Variants in SEPTIN9 observed in about 807,000 individuals in gnomAD.
SEPTIN9 encodes the protein septin-9.
Under a neutral mutation model 56.6 loss-of-function variants are expected in SEPTIN9, and 13 were observed. The observed-to-expected ratio is 0.23, with a 90% CI of 0.15 to 0.37. The LOEUF (loss-of-function observed/expected upper bound fraction) is 0.37, where lower values mean the gene tolerates loss of function less well. Among genes scored for constraint, SEPTIN9 ranks in the 10% least tolerant of loss-of-function variants. The pLI is 1.00. For missense variants in SEPTIN9, 650 were observed against 823.1 expected (o/e 0.79, Z 2.57); for synonymous variants, 332 against 334.1 (o/e 0.99, Z 0.07).
chr17:77,398,665 C>T (rs771364576), intron 2 of SEPTIN9, among the ~76,000 whole-genome samples: 10 of 152,174 alleles, frequency 6.6e-5, no homozygotes, highest in Admixed American at 1.3e-4. Flanking sequence ...TGGACACCTC[C>T]GGAATGGGGC....
intron 1 of SEPTIN9, among the ~76,000 whole-genome samples, chr17:77,302,160 A>T (rs1345246016): frequency 6.6e-6 from 1 of 152,236 alleles, no homozygotes; most frequent in East Asian, 1.9e-4. Flanking sequence ...AGATTCTAGC[A>T]TAACAACCCA....
chr17:77,484,478 A>ATTG (rs201287203), intron 4 of SEPTIN9, among the ~76,000 whole-genome samples: 2 of 100,964 alleles, frequency 2.0e-5, no homozygotes, highest in Admixed American at 9.4e-5. Flanking sequence ...GGTGGTGGTG[A>ATTG]TGATGGTGGT....
In SEPTIN9 at chr17:77,402,543, G is replaced by C; in HGVS notation, c.561G>C (p.Arg187Ser). ...TAPATDAAPK[R>S]VEIQMPKPAE... ...CTGCCACCGACGCAGCCCCCAAGAG[G>C]GTGGAGATCCAGATGCCCAAGCCTG... Residue 187 changes from arginine (R) to serine (S), a missense_variant, in exon 3 of 12, where the codon AGG becomes AGC. Arg to Ser is a moderately radical substitution (Grantham distance 110). Around this residue, in one of 2 missense-constraint regions of SEPTIN9, gnomAD observed 317 missense variants for 329.1 expected, o/e 0.96. Coordinates refer to ENST00000427177, the MANE Select transcript of SEPTIN9 (RefSeq NM_001113491.2). This position sits in a 1 kb window ranked among gnomAD's most constrained non-coding sequence, Gnocchi z 6.6. 2 of 1,608,978 alleles carry C rather than the reference G, an allele frequency of 1.2e-6. No homozygotes were observed. The highest frequency in any genetic ancestry group is 2.2e-5 in the South Asian group (2 of 90,242).
intron 3 of SEPTIN9, among the ~76,000 whole-genome samples, chr17:77,448,975 G>A (rs548181859): frequency 4.6e-5 from 7 of 152,168 alleles, no homozygotes; most frequent in South Asian, 2.1e-4. Flanking sequence ...GTAGAGACAG[G>A]GTTTTGCCAT....
rs1448477269 is a variant in SEPTIN9, at chr17:77,330,315, C to A, written c.76+23118C>A. Among the ~76,000 whole-genome samples the A allele has an allele frequency of 6.6e-6, 1 of 152,166 alleles. No individual in the cohort carries two copies. Among genetic ancestry groups the A allele is most frequent in the African/African-American group, 2.4e-5 (1 of 41,440 alleles). On this transcript the variant is annotated intron_variant, in intron 2 of 11. Coordinates refer to ENST00000427177, the MANE Select transcript of SEPTIN9 (RefSeq NM_001113491.2). The surrounding 1 kb of genome is among the most constrained non-coding windows in gnomAD (Gnocchi z 4.4). ...GGTGTAGGAAGGAAGGTGCCGGGAG[C>A]CAGCTCCAATTCACGTGCTGGCTGT...
chr17:77,480,865 T>C (rs146409246), intron 3 of SEPTIN9, among the ~76,000 whole-genome samples: 6,659 of 152,160 alleles, frequency 0.044, 184 homozygotes, highest in African/African-American at 0.064. Flanking sequence ...GAGCAGGGCC[T>C]GGATGGGCCC....
Position 77,319,486 on chromosome 17 carries a change from G to T in SEPTIN9, c.76+12289G>T, listed in dbSNP as rs1055114183. 3.1e-6 allele frequency: 3 copies of T among 965,686 alleles called. No individual in the cohort carries two copies. Among genetic ancestry groups the T allele is most frequent in the Non-Finnish European group, 3.8e-6 (3 of 797,164 alleles). The allele number at this position is 965,686 out of a possible 1,614,324, so 59.8% of individuals were successfully genotyped here. Reference sequence around the variant, plus strand: ...CTTCCAGGAAGTCCCCGTCCCGTTCGCCCTCTCTGCCTGGGCGGGGACGGC... The same window carrying T: ...CTTCCAGGAAGTCCCCGTCCCGTTCTCCCTCTCTGCCTGGGCGGGGACGGC... On this transcript the variant is annotated intron_variant, in intron 2 of 11. Transcript: ENST00000427177. This position sits in a 1 kb window ranked among gnomAD's most constrained non-coding sequence, Gnocchi z 5.3.
In SEPTIN9 at chr17:77,330,356, G is replaced by A. The variant is rs1204465138; in HGVS notation, c.76+23159G>A. Among the ~76,000 whole-genome samples, 1 of 152,204 alleles carries A rather than the reference G, an allele frequency of 6.6e-6. No individual in the cohort carries two copies. The highest frequency in any genetic ancestry group is 1.5e-5 in the Non-Finnish European group (1 of 68,022). ...TGCTGGCTGTGGCCCTCAAGGTGTG[G>A]ATGGCAGGAGGTGGTGAGACAGGGA... is the stretch of plus-strand genomic sequence containing the variant. On this transcript the variant is annotated intron_variant, in intron 2 of 11. Coordinates refer to ENST00000427177, the MANE Select transcript of SEPTIN9 (RefSeq NM_001113491.2). This position sits in a 1 kb window ranked among gnomAD's most constrained non-coding sequence, Gnocchi z 4.4.
chr17:77,425,501 T>TG lies in SEPTIN9; in HGVS notation c.721+22806dup, dbSNP rs200387298. On this transcript the variant is annotated intron_variant, in intron 3 of 11. Transcript: ENST00000427177. The surrounding 1 kb of genome is among the most constrained non-coding windows in gnomAD (Gnocchi z 4.2). ...CCTCTCTGGTCATGGGGACGCTGCC[T>TG]GGGGGGGGTTCCCTTACATGGAAGG... Among the ~76,000 whole-genome samples, 714 of 151,946 alleles carry TG rather than the reference T, an allele frequency of 4.7e-3. 10 individuals are homozygous for TG. The highest frequency in any genetic ancestry group is 0.028 in the East Asian group (147 of 5,172).
At position 77,421,832 on chromosome 17, in the gene SEPTIN9, G is replaced by T. The variant is rs939599625; in HGVS notation, c.721+19129G>T. Among the ~76,000 whole-genome samples, 1 of 152,078 alleles carries T rather than the reference G, an allele frequency of 6.6e-6. No homozygotes were observed. The highest frequency in any genetic ancestry group is 1.5e-5 in the Non-Finnish European group (1 of 68,006). On this transcript the variant is annotated intron_variant, in intron 3 of 11. Transcript: ENST00000427177. The surrounding 1 kb of genome is among the most constrained non-coding windows in gnomAD (Gnocchi z 4.6). ...CACAGTCGAGACACCCTGGCCGAAGGTTCTGCTAAGCTCCATGGAGTGTAG... is the reference window on the plus strand; with the variant it reads ...CACAGTCGAGACACCCTGGCCGAAGTTTCTGCTAAGCTCCATGGAGTGTAG...
In SEPTIN9 at chr17:77,422,606, G is replaced by A. The variant is rs571593375; in HGVS notation, c.721+19903G>A. On this transcript the variant is annotated intron_variant, in intron 3 of 11. Coordinates refer to ENST00000427177, the MANE Select transcript of SEPTIN9 (RefSeq NM_001113491.2). ...CTGCAGGTCCCGCTTTCCCCAGGGA[G>A]CACTCAGGGCTGGTCCCGGGGAGCC... Among the ~76,000 whole-genome samples, 4 of 152,350 alleles carry A rather than the reference G, an allele frequency of 2.6e-5. No homozygotes were observed. In the East Asian group the frequency reaches 5.8e-4, roughly 22 times the overall value.
At chr17:77,469,024 G>C (rs376830739) in intron 3 of SEPTIN9, 1 of 152,352 alleles carries the variant, frequency 6.6e-6, no homozygotes, top group African/African-American at 2.4e-5. Context: ...CACGGTCATT[G>C]GGTTCAAGAT....
chr17:77,490,412 CA>C (rs1456757359), intron 7 of SEPTIN9, among the ~76,000 whole-genome samples: 1 of 152,262 alleles, frequency 6.6e-6, no homozygotes, highest in East Asian at 1.9e-4. Context: ...AGCCCCACAG[CA>C]AGACGGCTGC....
In SEPTIN9 at chr17:77,429,025, G is replaced by A. The variant is rs535508367; in HGVS notation, c.721+26322G>A. Reference sequence around the variant, plus strand: ...GAGGAGGCAGCCGGTGAGAATGGGAGCATCTCAGCAGCCCTCCGCCCCCTG... The same window carrying A: ...GAGGAGGCAGCCGGTGAGAATGGGAACATCTCAGCAGCCCTCCGCCCCCTG... On this transcript the variant is annotated intron_variant, in intron 3 of 11. Transcript: ENST00000427177. This position sits in a 1 kb window ranked among gnomAD's most constrained non-coding sequence, Gnocchi z 5.2. 3 of 471,474 alleles carry A rather than the reference G, an allele frequency of 6.4e-6. No individual in the cohort carries two copies. The highest frequency in any genetic ancestry group is 2.3e-5 in the Admixed American group (1 of 42,586). The allele number at this position is 471,474 out of a possible 1,614,324, so 29.2% of individuals were successfully genotyped here. A position where few individuals can be genotyped will look rare whatever the true frequency, so the allele number is the denominator to read the frequency against.
chr17:77,475,728 C>T lies in SEPTIN9; in HGVS notation c.722-6416C>T, dbSNP rs2039185403. 2 of 1,613,250 alleles carry T rather than the reference C, an allele frequency of 1.2e-6. No individual in the cohort carries two copies. Among genetic ancestry groups the T allele is most frequent in the Non-Finnish European group, 1.7e-6 (2 of 1,179,884 alleles). Reference sequence around the variant, plus strand: ...AAGGAAGTCTTCGCCGGGGCAAGGGCACCAGCTGTAGATGCCGGCAGCTTT... The same window carrying T: ...AAGGAAGTCTTCGCCGGGGCAAGGGTACCAGCTGTAGATGCCGGCAGCTTT... On this transcript the variant is annotated intron_variant, in intron 3 of 11. Coordinates refer to ENST00000427177, the MANE Select transcript of SEPTIN9 (RefSeq NM_001113491.2). This position sits in a 1 kb window ranked among gnomAD's most constrained non-coding sequence, Gnocchi z 4.6.
intron 2 of SEPTIN9, among the ~76,000 whole-genome samples, chr17:77,378,341 G>A (rs1410477317): frequency 3.3e-5 from 5 of 152,260 alleles, no homozygotes; most frequent in East Asian, 1.9e-4. Context: ...AAAGCTGGGC[G>A]GCTTCGGTTT....
At chr17:77,340,879 A>G (rs1320872548) in intron 2 of SEPTIN9, among the ~76,000 whole-genome samples, 1 of 152,166 alleles carries the variant, frequency 6.6e-6, no homozygotes, top group African/African-American at 2.4e-5. Flanking sequence ...CTTAAACTTC[A>G]TGACCTGACC....
At chr17:77,498,259 G>A (rs758191377) in intron 11 of SEPTIN9, among the ~76,000 whole-genome samples, 50 of 152,228 alleles carry the variant, frequency 3.3e-4, no homozygotes, top group Non-Finnish European at 5.9e-4. Flanking sequence ...GGTGGACCCA[G>A]AGGGAGACAC....
At position 77,453,722 on chromosome 17, in the gene SEPTIN9, G is replaced by A. The variant is rs1171226795; in HGVS notation, c.722-28422G>A. The A allele has an allele frequency of 6.6e-6, 1 of 152,394 alleles. No individual in the cohort carries two copies. Among genetic ancestry groups the A allele is most frequent in the Non-Finnish European group, 1.5e-5 (1 of 68,216 alleles). 9.4% of individuals were successfully genotyped at this position (152,394 alleles called of 1,614,324 possible). On this transcript the variant is annotated intron_variant, in intron 3 of 11. Transcript: ENST00000427177. The surrounding 1 kb of genome is among the most constrained non-coding windows in gnomAD (Gnocchi z 4.4). ...CCCTAGACCCACTTGGGCAACCAGAGTCTCTGGGTTGACCACTCCCCAGCC... is the reference window on the plus strand; with the variant it reads ...CCCTAGACCCACTTGGGCAACCAGAATCTCTGGGTTGACCACTCCCCAGCC...
Sources: gnomAD v4.1 joint callset for allele counts (sites outside exome capture counted in the v4.1 genomes callset) on GRCh38, gnomAD v4.1.1 for gene constraint, gnomAD v4.1.1 regional missense constraint, Gnocchi (gnomAD v3.1) non-coding constraint, MANE v1.5 for transcripts, NCBI Gene and HGNC (gene_info 2026-07-23, HGNC 2026-07-21) for gene names.